Variants in NPL observed in about 807,000 individuals in gnomAD.
NPL encodes N-acetylneuraminate pyruvate lyase.
A neutral mutation model predicts 41.1 loss-of-function variants in NPL; 32 were observed. That is an observed-to-expected ratio of 0.78 (90% confidence interval 0.59 to 1.05). NPL has a LOEUF of 1.05. Among genes scored for constraint, NPL ranks in the 50% least tolerant of loss-of-function variants. NPL has a pLI of 0.00. For missense variants in NPL, 321 were observed against 378.4 expected (o/e 0.85, Z 1.26); for synonymous variants, 128 against 134.9 (o/e 0.95, Z 0.35).
intron 4 of NPL, among the ~76,000 whole-genome samples, chr1:182,804,301 T>G (rs1394236751): frequency 6.6e-6 from 1 of 152,176 alleles, no homozygotes; most frequent in African/African-American, 2.4e-5. Context: ...CTAATTTTTG[T>G]ATTTTTAGTA....
chr1:182,810,262 T>C (rs940236020), intron 5 of NPL, among the ~76,000 whole-genome samples: 1 of 152,198 alleles, frequency 6.6e-6, no homozygotes, highest in Non-Finnish European at 1.5e-5. Flanking sequence ...TCTCCCCAGA[T>C]GGGAACATGG....
chr1:182,803,897 GC>G lies in NPL; in HGVS notation c.142+127del, dbSNP rs1666928242. On this transcript the variant is annotated intron_variant, in intron 4 of 12. Coordinates refer to ENST00000367553, the MANE Select transcript of NPL (RefSeq NM_030769.3). ...ACAGGTTATGATGGAGCCTGGCTAA[GC>G]TAACTAAAATTTGTGAATTTGTAGG... 8 of 768,104 alleles carry G rather than the reference GC, an allele frequency of 1.0e-5. No homozygotes were observed. The South Asian group carries it at 1.2e-4, about 11-fold the overall frequency. The allele number at this position is 768,104 out of a possible 1,614,324, so 47.6% of individuals were successfully genotyped here.
rs547443979 is a variant in NPL, at chr1:182,825,776, T to A, written c.739-5T>A. On this transcript the variant is annotated splice_region_variant and splice_polypyrimidine_tract_variant and intron_variant, in intron 11 of 12. Transcript: ENST00000367553. ...ACTAACTATAGATATGTTGTTCTTT[T>A]CTAGTTTTGTATCCAGAGATTTATC... 12 of 1,555,916 alleles carry A rather than the reference T, an allele frequency of 7.7e-6. No homozygotes were observed. The East Asian group carries it at 2.5e-4, about 32-fold the overall frequency.
intron 8 of NPL, among the ~76,000 whole-genome samples, chr1:182,818,152 A>C (rs1219584359): frequency 6.6e-6 from 1 of 152,214 alleles, no homozygotes. Context: ...GATTTGTGTC[A>C]GATGCTTCTA....
Position 182,803,750 on chromosome 1 carries a change from C to T in NPL, c.121C>T (p.Gln41Ter). 6.2e-7 allele frequency: 1 copy of T among 1,612,650 alleles called. No homozygotes were observed. The highest frequency in any genetic ancestry group is 1.7e-5 in the Admixed American group (1 of 60,018). ...GTATGTGGATTATCTTGTGAAAGAA[C>T]AGGGAGTGAAGAACATTTTTGGTAA... ...GQYVDYLVKEQGVKNIFVNGT... is the reference protein window; with the variant it reads ...GQYVDYLVKE The change falls in exon 4 of 13, where the codon CAG (glutamine) becomes TAG (stop). Residue 41 changes from glutamine to a stop codon, truncating the protein, a stop_gained. Transcript: ENST00000367553. LOFTEE classifies it high-confidence loss of function.
intron 6 of NPL, among the ~76,000 whole-genome samples, chr1:182,813,361 G>A (rs1023645661): frequency 6.6e-6 from 1 of 151,962 alleles, no homozygotes; most frequent in Non-Finnish European, 1.5e-5. Context: ...TAATATATTT[G>A]CAAAAAATTG....
intron 5 of NPL, among the ~76,000 whole-genome samples, chr1:182,811,389 G>A (rs973526371): frequency 2.2e-4 from 34 of 151,790 alleles, no homozygotes; most frequent in African/African-American, 7.3e-4. Flanking sequence ...CACCACACTT[G>A]GCTAATTTTT....
intron 3 of NPL, among the ~76,000 whole-genome samples, chr1:182,799,543 T>C (rs1214840397): frequency 1.3e-5 from 2 of 152,032 alleles, no homozygotes; most frequent in African/African-American, 4.8e-5. Context: ...GTGGGTTTTC[T>C]TTTTTTATTG....
At chr1:182,806,630 T>C (rs1667018373) in intron 5 of NPL, 7 of 1,344,762 alleles carry the variant, frequency 5.2e-6, no homozygotes, top group South Asian at 4.2e-5. Context: ...CTGATGCTTG[T>C]ATTGGCCCAC....
At chr1:182,807,692 G>C (rs547854981) in intron 5 of NPL, among the ~76,000 whole-genome samples, 145 of 144,592 alleles carry the variant, frequency 1.0e-3, no homozygotes, top group African/African-American at 3.1e-3. Context: ...CTGGCTAACA[G>C]GATGAAACCC....
In NPL at chr1:182,825,494, G is replaced by A. The variant is rs80042718; in HGVS notation, c.739-287G>A. 7.4e-3 allele frequency among the ~76,000 whole-genome samples: 1,120 copies of A among 152,310 alleles called. 17 individuals carry two copies. Among genetic ancestry groups the A allele is most frequent in the Admixed American group, 0.042 (644 of 15,296 alleles). On this transcript the variant is annotated intron_variant, in intron 11 of 12. Coordinates refer to ENST00000367553, the MANE Select transcript of NPL (RefSeq NM_030769.3). ...CTGATAAGTTTACCTATGTAAGCCA[G>A]ATGGATAAGGGGTGTGATTCCCATC...
At chr1:182,794,308 A>G in intron 2 of NPL, 48 bp from the exon 3 acceptor site, 2 of 1,509,918 alleles carry the variant, frequency 1.3e-6, no homozygotes, top group East Asian at 2.3e-5. Flanking sequence ...GAGTTTTATC[A>G]TTGACATTCC....
At chr1:182,820,068 A>G (rs561740386) in intron 10 of NPL, among the ~76,000 whole-genome samples, 2 of 152,348 alleles carry the variant, frequency 1.3e-5, no homozygotes, top group African/African-American at 4.8e-5. Context: ...CTCTGTATCC[A>G]GATGGGCTTT....
Position 182,828,912 on chromosome 1 carries a change from C to G in NPL, c.*4C>G. The G allele has an allele frequency of 6.2e-7, 1 of 1,614,100 alleles. No homozygotes were observed. Among genetic ancestry groups the G allele is most frequent in the Non-Finnish European group, 8.5e-7 (1 of 1,179,994 alleles). Reference sequence around the variant, plus strand: ...AAACTTGGAAGCTGGTAGCTAGTGCCTCTCTATCAAATCAGGGTTTGCACC... The same window carrying G: ...AAACTTGGAAGCTGGTAGCTAGTGCGTCTCTATCAAATCAGGGTTTGCACC... On this transcript the variant is annotated 3_prime_UTR_variant, in exon 13 of 13. Coordinates refer to ENST00000367553, the MANE Select transcript of NPL (RefSeq NM_030769.3). This position sits in a 1 kb window ranked among gnomAD's most constrained non-coding sequence, Gnocchi z 4.0.
chr1:182,790,157 T>TG (rs1215905327), intron 1 of NPL, among the ~76,000 whole-genome samples: 3 of 152,144 alleles, frequency 2.0e-5, no homozygotes, highest in African/African-American at 4.8e-5. Context: ...GAGAAATTGG[T>TG]GGTTTTCTGC....
intron 5 of NPL, 117 bp from the exon 6 acceptor site, chr1:182,812,039 A>G (rs529279235): frequency 4.3e-6 from 4 of 924,150 alleles, no homozygotes; most frequent in Middle Eastern, 2.8e-4. Context: ...ATAGAACTTA[A>G]TAAGTGAGAT....
Position 182,814,867 on chromosome 1 carries a change from A to C in NPL, c.364+9A>C. On this transcript the variant is annotated intron_variant, in intron 7 of 12. Coordinates refer to ENST00000367553, the MANE Select transcript of NPL (RefSeq NM_030769.3). ...CAAGCCATGGACCAAAGGTAAGTAG[A>C]TAGGTCTGAATGCATGGCATCTCAC... 6.2e-7 allele frequency: 1 copy of C among 1,606,760 alleles called. No homozygotes were observed. The highest frequency in any genetic ancestry group is 8.5e-7 in the Non-Finnish European group (1 of 1,173,336).
intron 3 of NPL, among the ~76,000 whole-genome samples, chr1:182,802,417 T>C (rs1281989510): frequency 6.6e-6 from 1 of 152,274 alleles, no homozygotes; most frequent in African/African-American, 2.4e-5. Flanking sequence ...TTTGTTCTTA[T>C]GCCTTTTGAC....
chr1:182,805,111 G>T (rs1254518796), intron 4 of NPL, among the ~76,000 whole-genome samples: 1 of 152,132 alleles, frequency 6.6e-6, no homozygotes, highest in Non-Finnish European at 1.5e-5. Context: ...ACTGCCATAG[G>T]CATCTTTCTG....
Sources: gnomAD v4.1 joint callset for allele counts (sites outside exome capture counted in the v4.1 genomes callset) on GRCh38, gnomAD v4.1.1 for gene constraint, Gnocchi (gnomAD v3.1) non-coding constraint, MANE v1.5 for transcripts, NCBI Gene and HGNC (gene_info 2026-07-23, HGNC 2026-07-21) for gene names.